Variants in SPAG16 observed in about 807,000 individuals in gnomAD.
SPAG16 encodes the protein sperm associated antigen 16.
Under a neutral mutation model 80.4 loss-of-function variants are expected in SPAG16, and 86 were observed. That is an observed-to-expected ratio of 1.07 (90% CI 0.90 to 1.28). The LOEUF (loss-of-function observed/expected upper bound fraction) is 1.28, where lower values mean the gene tolerates loss of function less well. Among genes scored for constraint, SPAG16 ranks in the 50% most tolerant of loss-of-function variants. The probability of loss-of-function intolerance (pLI) is 0.00; values close to 1 mark genes in which losing one functional copy is unlikely to be tolerated. For synonymous variants in SPAG16, 294 were observed against 265.9 expected (o/e 1.11, Z -1.03); for missense variants, 870 against 765.3 (o/e 1.14, Z -1.61).
chr2:213,414,283 C>T (rs2069136670), intron 9 of SPAG16, among the ~76,000 whole-genome samples: 1 of 152,224 alleles, frequency 6.6e-6, no homozygotes, highest in South Asian at 2.1e-4. Context: ...GCATTAATTA[C>T]TTGGAAACAA....
At chr2:213,829,059 C>T (rs935295121) in intron 10 of SPAG16, among the ~76,000 whole-genome samples, 1 of 152,102 alleles carries the variant, frequency 6.6e-6, no homozygotes, top group Non-Finnish European at 1.5e-5. Flanking sequence ...CAGCAAGGCC[C>T]TGGGCTCTAA....
At chr2:213,320,211 T>C (rs181710142) in intron 5 of SPAG16, among the ~76,000 whole-genome samples, 61 of 152,118 alleles carry the variant, frequency 4.0e-4, no homozygotes, top group African/African-American at 1.4e-3. Context: ...AGTAGTTTTT[T>C]ATTGATACAT....
intron 12 of SPAG16, among the ~76,000 whole-genome samples, chr2:214,005,236 G>A (rs113854257): frequency 0.013 from 1,959 of 152,166 alleles, 48 homozygotes; most frequent in African/African-American, 0.044. Flanking sequence ...TATTCTTTGC[G>A]AAAATGTTTC....
At chr2:213,715,222 GTCTATCTA>G (rs1553615157) in intron 10 of SPAG16, among the ~76,000 whole-genome samples, 233 of 110,576 alleles carry the variant, frequency 2.1e-3, no homozygotes, top group South Asian at 0.015. Flanking sequence ...AGATCTATCT[GTCTATCTA>G]TCTATCTATC....
At chr2:214,398,047 T>A (rs1392673847) in intron 15 of SPAG16, among the ~76,000 whole-genome samples, 1 of 152,156 alleles carries the variant, frequency 6.6e-6, no homozygotes, top group African/African-American at 2.4e-5. Flanking sequence ...TTACCCCTTA[T>A]GAGACTGCTA....
chr2:214,318,343 T>G (rs1408144805), intron 15 of SPAG16, among the ~76,000 whole-genome samples: 1 of 150,858 alleles, frequency 6.6e-6, no homozygotes, highest in Non-Finnish European at 1.5e-5. Context: ...CTTTCCCAGA[T>G]GTACTTGAAT....
intron 9 of SPAG16, among the ~76,000 whole-genome samples, chr2:213,454,938 T>A (rs911707252): frequency 6.6e-6 from 1 of 152,248 alleles, no homozygotes; most frequent in Admixed American, 6.5e-5. Context: ...TGTATCTTTT[T>A]ATATTCTATA....
intron 15 of SPAG16, among the ~76,000 whole-genome samples, chr2:214,295,170 T>G (rs1276331893): frequency 6.6e-6 from 1 of 152,184 alleles, no homozygotes; most frequent in Non-Finnish European, 1.5e-5. Context: ...ATCTCTGCTC[T>G]CATCACCATC....
chr2:214,176,515 G>A (rs539283780), intron 15 of SPAG16, among the ~76,000 whole-genome samples: 1 of 151,186 alleles, frequency 6.6e-6, no homozygotes, highest in Non-Finnish European at 1.5e-5. Context: ...TTAACAAATG[G>A]CTGCTCTGTC....
intron 10 of SPAG16, among the ~76,000 whole-genome samples, chr2:213,539,945 C>T (rs1042382665): frequency 9.2e-5 from 14 of 151,642 alleles, no homozygotes; most frequent in Admixed American, 5.3e-4. Flanking sequence ...GTGTTGTAAT[C>T]GCCTTGGTCA....
chr2:213,735,475 C>G (rs1235527022), intron 10 of SPAG16, among the ~76,000 whole-genome samples: 1 of 152,142 alleles, frequency 6.6e-6, no homozygotes, highest in Admixed American at 6.5e-5. Flanking sequence ...TAGCTCTAGT[C>G]CAGGTGCTGG....
intron 9 of SPAG16, among the ~76,000 whole-genome samples, chr2:213,439,775 C>A (rs1317112215): frequency 6.6e-6 from 1 of 152,208 alleles, no homozygotes; most frequent in Admixed American, 6.5e-5. Flanking sequence ...TAGATAAACT[C>A]AGAATTAATA....
intron 13 of SPAG16, among the ~76,000 whole-genome samples, chr2:214,063,568 T>C (rs1418263359): frequency 6.6e-6 from 1 of 152,156 alleles, no homozygotes; most frequent in African/African-American, 2.4e-5. Context: ...GGCTCCACCC[T>C]TATGACTTAA....
At chr2:214,063,890 G>A (rs1360048822) in intron 13 of SPAG16, among the ~76,000 whole-genome samples, 2 of 152,094 alleles carry the variant, frequency 1.3e-5, no homozygotes, top group East Asian at 3.9e-4. Flanking sequence ...TCTCCTATGA[G>A]GGCAGGAATT....
At chr2:213,391,989 A>T (rs2067777763) in intron 9 of SPAG16, among the ~76,000 whole-genome samples, 1 of 152,232 alleles carries the variant, frequency 6.6e-6, no homozygotes, top group Non-Finnish European at 1.5e-5. Flanking sequence ...ACCTGTACAC[A>T]ACTCTCAGTT....
rs376516150 is a variant in SPAG16, at chr2:213,822,791, G to A, written c.1071-39694G>A. 7.2e-5 allele frequency among the ~76,000 whole-genome samples: 11 copies of A among 152,100 alleles called. No homozygotes were observed. The South Asian group carries it at 2.3e-3, about 32-fold the overall frequency. On this transcript the variant is annotated intron_variant, in intron 10 of 15. Coordinates refer to ENST00000331683, the MANE Select transcript of SPAG16 (RefSeq NM_024532.5). ...CCTCTCTATGCCCATGTGTTCTCAA[G>A]GTTCAACTCCCACTTATGAGTGAGA... is the stretch of plus-strand genomic sequence containing the variant.
intron 15 of SPAG16, among the ~76,000 whole-genome samples, chr2:214,372,212 C>G (rs1027729946): frequency 1.3e-5 from 2 of 152,034 alleles, no homozygotes; most frequent in Non-Finnish European, 2.9e-5. Flanking sequence ...GATTAGGGAC[C>G]TAAATTTCAT....
rs2064356697 is a variant in SPAG16 at position 213,681,128 on chromosome 2, GAAAGGAAGGAAA to G, written c.1071-181355_1071-181344del. On this transcript the variant is annotated intron_variant, in intron 10 of 15. Coordinates refer to ENST00000331683, the MANE Select transcript of SPAG16 (RefSeq NM_024532.5). ...TTTGATTGTCTCCTGGACCTGGAAA[GAAAGGAAGGAAA>G]ACAAAGGGGAAAGAGGATTCTCTAT... Among the ~76,000 whole-genome samples the G allele has an allele frequency of 5.9e-5, 9 of 152,272 alleles. 1 individual carries two copies. The South Asian group carries it at 1.9e-3, about 32-fold the overall frequency.
intron 12 of SPAG16, among the ~76,000 whole-genome samples, chr2:214,009,135 C>T (rs551630671): frequency 7.1e-4 from 108 of 152,242 alleles, no homozygotes; most frequent in African/African-American, 2.5e-3. Flanking sequence ...TGGAATCTTA[C>T]TCTATGAAAA....
Sources: allele counts gnomAD v4.1 joint callset (sites outside exome capture counted in the v4.1 genomes callset), GRCh38; gene constraint gnomAD v4.1.1; transcripts MANE v1.5; gene names NCBI Gene and HGNC (gene_info 2026-07-23, HGNC 2026-07-21).